The following CFTR variants were observed in gnomAD, a reference collection of about 807,000 sequenced individuals.
CFTR encodes CF transmembrane conductance regulator, also known as cystic fibrosis transmembrane conductance regulator.
In CFTR, 181 loss-of-function variants were observed where a neutral mutation model predicts 171.6. The ratio of observed to expected loss-of-function variants is 1.05; its 90% CI spans 0.93 to 1.19. The LOEUF (loss-of-function observed/expected upper bound fraction) is 1.19, where lower values mean the gene tolerates loss of function less well. Among genes scored for constraint, CFTR ranks in the 50% most tolerant of loss-of-function variants. The pLI, the probability that CFTR is intolerant of heterozygous loss-of-function variation, is 0.00. For synonymous variants in CFTR, 583 were observed against 608.0 expected (o/e 0.96, Z 0.60); for missense variants, 1,968 against 1,734.7 (o/e 1.13, Z -2.39).
At chr7:117,543,858 T>A (rs1270229195) in intron 9 of CFTR, among the ~76,000 whole-genome samples, 1 of 152,206 alleles carries the variant, frequency 6.6e-6, no homozygotes, top group Non-Finnish European at 1.5e-5. Flanking sequence ...CTTCCAATAC[T>A]GTACTTAGAA....
At chr7:117,653,245 A>G (rs1793115176) in intron 24 of CFTR, among the ~76,000 whole-genome samples, 1 of 152,210 alleles carries the variant, frequency 6.6e-6, no homozygotes, top group Non-Finnish European at 1.5e-5. Flanking sequence ...CGCGACAAGT[A>G]CTTTTGACTG....
intron 21 of CFTR, among the ~76,000 whole-genome samples, chr7:117,621,512 A>G (rs1161206220): frequency 6.6e-6 from 1 of 152,134 alleles, no homozygotes; most frequent in Non-Finnish European, 1.5e-5. Flanking sequence ...ATGTCATAGA[A>G]TTTCCTTTTG....
intron 15 of CFTR, among the ~76,000 whole-genome samples, chr7:117,596,592 G>C (rs1792130490): frequency 6.6e-6 from 1 of 152,230 alleles, no homozygotes; most frequent in African/African-American, 2.4e-5. Flanking sequence ...GTGGGGACTT[G>C]GAGGATCTTT....
intron 24 of CFTR, among the ~76,000 whole-genome samples, chr7:117,660,556 G>A (rs1382243954): frequency 6.6e-6 from 1 of 151,932 alleles, no homozygotes; most frequent in African/African-American, 2.4e-5. Context: ...TTTGAACCTG[G>A]GAGTCGGAGG....
At chr7:117,486,110 A>T (rs1036033498) in intron 1 of CFTR, among the ~76,000 whole-genome samples, 1 of 152,168 alleles carries the variant, frequency 6.6e-6, no homozygotes, top group African/African-American at 2.4e-5. Context: ...CCTTTGTAGG[A>T]TAGCATGCTT....
intron 10 of CFTR, among the ~76,000 whole-genome samples, chr7:117,557,197 A>G (rs1799375714): frequency 6.6e-6 from 1 of 152,088 alleles, no homozygotes; most frequent in South Asian, 2.1e-4. Flanking sequence ...AAGATATCCT[A>G]AGGGAAAATT....
intron 9 of CFTR, among the ~76,000 whole-genome samples, chr7:117,547,571 T>G (rs1218221885): frequency 6.6e-6 from 1 of 152,176 alleles, no homozygotes; most frequent in African/African-American, 2.4e-5. Context: ...CCCCTACTTA[T>G]TTCTGCAATT....
chr7:117,564,990 A>G (rs534808764), intron 11 of CFTR, among the ~76,000 whole-genome samples: 90 of 152,328 alleles, frequency 5.9e-4, no homozygotes, highest in Middle Eastern at 3.4e-3. Context: ...CAGATTCTTC[A>G]CCTTCAGTCC....
Position 117,542,120 on chromosome 7 carries a change from T to TA in CFTR, c.1209+18dup, listed in dbSNP as rs749062177. Reference sequence around the variant, plus strand: ...CCTTCTGGGAGGAGGTCAGAATTTTTAAAAAATTGTTTGCTCTAAACACCT... The same window carrying TA: ...CCTTCTGGGAGGAGGTCAGAATTTTTAAAAAAATTGTTTGCTCTAAACACCT... On this transcript the variant is annotated intron_variant, in intron 9 of 26. Transcript: ENST00000003084. 3.6e-6 allele frequency: 5 copies of TA among 1,403,826 alleles called. No individual in the cohort carries two copies. The African/African-American group carries it at 5.7e-5, about 16-fold the overall frequency. 87.0% of individuals were successfully genotyped at this position (1,403,826 alleles called of 1,614,324 possible). A position where few individuals can be genotyped will look rare whatever the true frequency, so the allele number is the denominator to read the frequency against.
chr7:117,518,340 TATA>T (rs1798630234), intron 3 of CFTR, among the ~76,000 whole-genome samples: 2 of 147,168 alleles, frequency 1.4e-5, no homozygotes, highest in African/African-American at 4.9e-5. Flanking sequence ...ACATATGTTA[TATA>T]ATAATATAGT....
intron 23 of CFTR, among the ~76,000 whole-genome samples, chr7:117,644,034 T>C (rs900431853): frequency 1.3e-5 from 2 of 151,968 alleles, no homozygotes; most frequent in African/African-American, 4.8e-5. Flanking sequence ...CTTTTCTTTC[T>C]GCCAAAGTGA....
chr7:117,547,672 G>T (rs1180771281), intron 9 of CFTR, among the ~76,000 whole-genome samples: 2 of 152,250 alleles, frequency 1.3e-5, no homozygotes, highest in South Asian at 2.1e-4. Flanking sequence ...TTCTGCCTTT[G>T]CTTTTATGGG....
chr7:117,496,075 A>T lies in CFTR; in HGVS notation c.54-8178A>T, dbSNP rs559127433. On this transcript the variant is annotated intron_variant, in intron 1 of 26. Coordinates refer to ENST00000003084, the MANE Select transcript of CFTR (RefSeq NM_000492.4). Reference sequence around the variant, plus strand: ...CTAGACAACTACAAATGTACTTTCCATCTCTATAGATTTGCCTGTTCTGGA... The same window carrying T: ...CTAGACAACTACAAATGTACTTTCCTTCTCTATAGATTTGCCTGTTCTGGA... Among the ~76,000 whole-genome samples, 5 of 152,270 alleles carry T rather than the reference A, an allele frequency of 3.3e-5. No homozygotes were observed. The South Asian group carries it at 1.0e-3, about 32-fold the overall frequency.
Position 117,504,380 on chromosome 7 carries a change from T to G in CFTR, c.164+17T>G. ...ATTGGAAAGGTATGTTCATGTACAT[T>G]GTTTAGTTGAAGAGAGAAATTCATA... On this transcript the variant is annotated intron_variant, in intron 2 of 26. Transcript: ENST00000003084. 8.4e-7 allele frequency: 1 copy of G among 1,191,938 alleles called. No individual in the cohort carries two copies. Among genetic ancestry groups the G allele is most frequent in the East Asian group, 2.3e-5 (1 of 42,778 alleles). The allele number at this position is 1,191,938 out of a possible 1,614,324, so 73.8% of individuals were successfully genotyped here.
Position 117,603,683 on chromosome 7 carries a change from CTGG to C in CFTR, c.2812_2814del (p.Val938del), listed in dbSNP as rs1216746641. On this transcript the variant is annotated inframe_deletion, in exon 17 of 27. Transcript: ENST00000003084. ...TATGGGATTCTTCAGAGGTCTACCACTGGTGCATACTCTAATCACAGTGTCGAA... is the reference window on the plus strand; with the variant it reads ...TATGGGATTCTTCAGAGGTCTACCACTGCATACTCTAATCACAGTGTCGAA... The C allele has an allele frequency of 6.2e-7, 1 of 1,613,996 alleles. No individual in the cohort carries two copies.
intron 9 of CFTR, among the ~76,000 whole-genome samples, chr7:117,545,871 A>T (rs1448639521): frequency 6.6e-6 from 1 of 151,860 alleles, no homozygotes; most frequent in Non-Finnish European, 1.5e-5. Context: ...CGTGGGCTGG[A>T]GTGCAGTGGC....
At chr7:117,548,579 A>G in intron 9 of CFTR, 62 bp from the exon 10 acceptor site, 1 of 1,575,372 alleles carries the variant, frequency 6.3e-7, no homozygotes, top group South Asian at 1.1e-5. Flanking sequence ...TATTGAAAAT[A>G]TCTGACAAAC....
chr7:117,518,586 A>ATG lies in CFTR; in HGVS notation c.273+9445_273+9446insGT, dbSNP rs576373589. ...TATAAAAACATATATATATATATATATATGTGTGTTTTCTGCCTTTCATTT... is the reference window on the plus strand; with the variant it reads ...TATAAAAACATATATATATATATATATGTATGTGTGTTTTCTGCCTTTCATTT... On this transcript the variant is annotated intron_variant, in intron 3 of 26. Coordinates refer to ENST00000003084, the MANE Select transcript of CFTR (RefSeq NM_000492.4). 1.0e-3 allele frequency among the ~76,000 whole-genome samples: 149 copies of ATG among 146,192 alleles called. 6 individuals carry two copies. The South Asian group carries it at 0.03, about 30-fold the overall frequency.
chr7:117,544,031 A>G (rs1304497672), intron 9 of CFTR, among the ~76,000 whole-genome samples: 2 of 152,128 alleles, frequency 1.3e-5, no homozygotes, highest in African/African-American at 4.8e-5. Flanking sequence ...TTAATTCTAC[A>G]TTTACTGCCT....
Sources: gnomAD v4.1 joint callset for allele counts (sites outside exome capture counted in the v4.1 genomes callset) on GRCh38, gnomAD v4.1.1 for gene constraint, MANE v1.5 for transcripts, NCBI Gene and HGNC (gene_info 2026-07-23, HGNC 2026-07-21) for gene names.